The following RAB27B variants were observed in gnomAD, a reference collection of about 807,000 sequenced individuals.
RAB27B encodes the protein ras-related protein Rab-27B.
In RAB27B, 15 loss-of-function variants were observed where a neutral mutation model predicts 24.6. That is an observed-to-expected ratio of 0.61 (90% CI 0.41 to 0.94). The LOEUF (loss-of-function observed/expected upper bound fraction) is 0.94. RAB27B is among the 40% of genes least tolerant of loss of function. The pLI, the probability that RAB27B is intolerant of heterozygous loss-of-function variation, is 0.00. For synonymous variants in RAB27B, 105 were observed against 92.5 expected (o/e 1.14, Z -0.78); for missense variants, 261 against 266.8 (o/e 0.98, Z 0.15).
chr18:54,853,898 G>A (rs1294206529), intron 1 of RAB27B, among the ~76,000 whole-genome samples: 5 of 151,662 alleles, frequency 3.3e-5, no homozygotes, highest in African/African-American at 1.2e-4. Flanking sequence ...GTATTTTTTT[G>A]TGTAGCTTTT....
chr18:54,774,471 A>T (rs1908654209), intron 2 of RAB27B, among the ~76,000 whole-genome samples: 1 of 152,222 alleles, frequency 6.6e-6, no homozygotes, highest in Non-Finnish European at 1.5e-5. Context: ...TAGAACCAGA[A>T]TCCAAACACA....
chr18:54,789,568 T>C (rs1243605365), intron 2 of RAB27B, among the ~76,000 whole-genome samples: 2 of 152,130 alleles, frequency 1.3e-5, no homozygotes, highest in Admixed American at 1.3e-4. Flanking sequence ...TCATATGTCT[T>C]ACCTCTACAT....
intron 1 of RAB27B, among the ~76,000 whole-genome samples, chr18:54,855,679 T>G (rs539546002): frequency 6.6e-6 from 1 of 152,324 alleles, no homozygotes; most frequent in East Asian, 1.9e-4. Flanking sequence ...AGTAATTTAC[T>G]GTCTTAAATG....
intron 2 of RAB27B, among the ~76,000 whole-genome samples, chr18:54,811,421 A>G (rs1437064042): frequency 6.6e-6 from 1 of 152,112 alleles, no homozygotes; most frequent in Non-Finnish European, 1.5e-5. Context: ...TCAAGAGGGC[A>G]GGAGCTCCCA....
At chr18:54,750,988 A>G (rs1907812861) in intron 2 of RAB27B, among the ~76,000 whole-genome samples, 1 of 152,168 alleles carries the variant, frequency 6.6e-6, no homozygotes, top group Non-Finnish European at 1.5e-5. Flanking sequence ...GAGAGTAGAA[A>G]GTTGTAAGTG....
chr18:54,866,261 T>TCTCCTCCC (rs1568105107), intron 1 of RAB27B, among the ~76,000 whole-genome samples: 2 of 143,054 alleles, frequency 1.4e-5, no homozygotes, highest in East Asian at 2.0e-4. Flanking sequence ...GTGGGATCCT[T>TCTCCTCCC]CTCCTCCCCG....
chr18:54,870,084 G>A (rs1411638335), intron 1 of RAB27B, among the ~76,000 whole-genome samples: 1 of 152,050 alleles, frequency 6.6e-6, no homozygotes, highest in Non-Finnish European at 1.5e-5. Flanking sequence ...TCAGAGCACA[G>A]AAATGATGGA....
In RAB27B at chr18:54,724,304, G is replaced by A. The variant is rs564781272; in HGVS notation, c.-20+6163G>A. ...TTTGAATTCTCAGTAAACTCAATGT[G>A]AGTGGACAATGCAATGTGGCTACTA... On this transcript the variant is annotated intron_variant, in intron 2 of 4. Transcript: ENST00000586570. 2.6e-5 allele frequency among the ~76,000 whole-genome samples: 4 copies of A among 151,752 alleles called. 1 individual carries two copies. In the East Asian group the frequency reaches 7.7e-4, roughly 29 times the overall value.
intron 1 of RAB27B, among the ~76,000 whole-genome samples, chr18:54,843,233 ATC>A (rs1911187831): frequency 6.6e-6 from 1 of 152,242 alleles, no homozygotes; most frequent in Non-Finnish European, 1.5e-5. Context: ...TAGTAAAAAT[ATC>A]TCTGATTGTT....
At chr18:54,763,848 G>A (rs555406925) in intron 2 of RAB27B, among the ~76,000 whole-genome samples, 5 of 152,092 alleles carry the variant, frequency 3.3e-5, no homozygotes, top group Non-Finnish European at 4.4e-5. Flanking sequence ...ATGGCAAATC[G>A]GATGAATGAG....
intron 2 of RAB27B, among the ~76,000 whole-genome samples, chr18:54,817,991 C>A (rs914852159): frequency 6.6e-6 from 1 of 152,048 alleles, no homozygotes; most frequent in Non-Finnish European, 1.5e-5. Flanking sequence ...TCCTATTGAG[C>A]CCCCATTGAA....
Position 54,776,096 on chromosome 18 carries a change from C to T in RAB27B, c.-20+57955C>T, listed in dbSNP as rs768275254. Among the ~76,000 whole-genome samples the T allele has an allele frequency of 1.4e-4, 22 of 152,290 alleles. No individual in the cohort carries two copies. The South Asian group carries it at 1.5e-3, about 10-fold the overall frequency. Reference sequence around the variant, plus strand: ...TGCAAATTAAATTGAATTTGCTTGGCGGTGTTTTTTGTTGTTGTTGTTGTT... The same window carrying T: ...TGCAAATTAAATTGAATTTGCTTGGTGGTGTTTTTTGTTGTTGTTGTTGTT... On this transcript the variant is annotated intron_variant, in intron 2 of 4. Coordinates refer to the RAB27B transcript ENST00000586570.
chr18:54,815,876 G>A (rs915176802), intron 2 of RAB27B, among the ~76,000 whole-genome samples: 1 of 151,896 alleles, frequency 6.6e-6, no homozygotes, highest in African/African-American at 2.4e-5. Context: ...CACCCACCTC[G>A]GCCTCCCAAA....
intron 2 of RAB27B, among the ~76,000 whole-genome samples, chr18:54,794,508 T>G (rs1486504327): frequency 6.6e-6 from 1 of 152,228 alleles, no homozygotes; most frequent in Non-Finnish European, 1.5e-5. Flanking sequence ...GAAATGAATT[T>G]CAGTTTTACA....
intron 2 of RAB27B, among the ~76,000 whole-genome samples, chr18:54,736,273 T>C (rs1484660379): frequency 6.6e-6 from 1 of 152,168 alleles, no homozygotes; most frequent in Non-Finnish European, 1.5e-5. Flanking sequence ...CAAAAGTAAC[T>C]TTCGTATTCA....
chr18:54,859,098 C>T (rs146454336), intron 1 of RAB27B, among the ~76,000 whole-genome samples: 219 of 152,236 alleles, frequency 1.4e-3, no homozygotes, highest in African/African-American at 4.8e-3. Flanking sequence ...AGGGCAGTGA[C>T]TTTGCAGAGA....
chr18:54,845,861 C>T (rs938375912), intron 1 of RAB27B, among the ~76,000 whole-genome samples: 1 of 152,138 alleles, frequency 6.6e-6, no homozygotes, highest in Non-Finnish European at 1.5e-5. Context: ...TGCTTAATAA[C>T]ATTTATTTGT....
chr18:54,804,984 CTT>C (rs11324250), intron 2 of RAB27B, among the ~76,000 whole-genome samples: 16 of 134,238 alleles, frequency 1.2e-4, no homozygotes, highest in Admixed American at 4.6e-4. Context: ...GCCTTCCTTC[CTT>C]TTTTTTTTTA....
At chr18:54,816,549 T>G (rs1910128017) in intron 2 of RAB27B, among the ~76,000 whole-genome samples, 1 of 152,202 alleles carries the variant, frequency 6.6e-6, no homozygotes, top group Non-Finnish European at 1.5e-5. Flanking sequence ...TTTTTAAATT[T>G]GAAACAAAAG....
Sources: gnomAD v4.1 joint callset for allele counts (sites outside exome capture counted in the v4.1 genomes callset) on GRCh38, gnomAD v4.1.1 for gene constraint, MANE v1.5 for transcripts, NCBI Gene and HGNC (gene_info 2026-07-23, HGNC 2026-07-21) for gene names.